SYT16: variants seen among roughly 807,000 people sequenced by gnomAD.
SYT16 encodes synaptotagmin 16, also known as synaptotagmin-16.
Under a neutral mutation model 61.4 loss-of-function variants are expected in SYT16, and 42 were observed. The observed-to-expected ratio is 0.68, with a 90% CI of 0.53 to 0.89. The LOEUF is 0.89. Ranked by LOEUF, SYT16 falls within the 40% of genes least tolerant of loss-of-function variation. The pLI is 0.00. For synonymous variants in SYT16, 314 were observed against 302.3 expected (o/e 1.04, Z -0.40); for missense variants, 804 against 807.3 (o/e 1.00, Z 0.05).
intron 1 of SYT16, among the ~76,000 whole-genome samples, chr14:61,950,092 T>C (rs963156219): frequency 6.6e-6 from 1 of 152,214 alleles, no homozygotes; most frequent in Admixed American, 6.5e-5. Flanking sequence ...GTTTGCCCCT[T>C]TCTGAAGTTA....
At chr14:62,023,389 C>G (rs1297619031) in intron 3 of SYT16, among the ~76,000 whole-genome samples, 1 of 152,160 alleles carries the variant, frequency 6.6e-6, no homozygotes, top group African/African-American at 2.4e-5. Context: ...CCCAAACATA[C>G]AGGTGATAAA....
intron 3 of SYT16, among the ~76,000 whole-genome samples, chr14:62,067,416 C>T (rs1595334060): frequency 6.6e-6 from 1 of 151,994 alleles, no homozygotes; most frequent in African/African-American, 2.4e-5. Context: ...AGGAGCCAGA[C>T]ATATAAACAC....
intron 1 of SYT16, among the ~76,000 whole-genome samples, chr14:61,900,682 G>A (rs990749721): frequency 6.6e-6 from 1 of 152,164 alleles, no homozygotes; most frequent in Admixed American, 6.5e-5. Flanking sequence ...TCTTGAGGCA[G>A]GAATTGCTCA....
At chr14:62,023,511 C>A (rs1026770609) in intron 3 of SYT16, among the ~76,000 whole-genome samples, 1 of 152,256 alleles carries the variant, frequency 6.6e-6, no homozygotes, top group Middle Eastern at 3.4e-3. Context: ...TACCTACTCC[C>A]AGGAATTTTG....
chr14:61,910,648 C>T (rs2048899142), intron 1 of SYT16, among the ~76,000 whole-genome samples: 1 of 151,954 alleles, frequency 6.6e-6, no homozygotes, highest in Non-Finnish European at 1.5e-5. Context: ...TCTATCTCAG[C>T]CTCCCGAGTA....
chr14:61,930,482 TG>T (rs984882901), intron 1 of SYT16, among the ~76,000 whole-genome samples: 1 of 152,050 alleles, frequency 6.6e-6, no homozygotes, highest in African/African-American at 2.4e-5. Flanking sequence ...TAACATCTGT[TG>T]GAACTGCCTT....
chr14:62,031,863 T>C (rs1171629291), intron 3 of SYT16, among the ~76,000 whole-genome samples: 2 of 152,140 alleles, frequency 1.3e-5, no homozygotes, highest in Admixed American at 6.6e-5. Flanking sequence ...AGGCTTTAAG[T>C]GTTTCTGCTA....
In SYT16 at chr14:62,084,331, G is replaced by A. The variant is rs771843169; in HGVS notation, c.1570G>A (p.Val524Met). 6.2e-7 allele frequency: 1 copy of A among 1,613,474 alleles called. No individual in the cohort carries two copies. Among genetic ancestry groups the A allele is most frequent in the Non-Finnish European group, 8.5e-7 (1 of 1,179,820 alleles). Residue 524 changes from valine to methionine, a missense_variant, in exon 7 of 8, where the codon GTG becomes ATG. Val to Met is a conservative substitution (Grantham distance 21). Coordinates refer to ENST00000683842, the MANE Select transcript of SYT16 (RefSeq NM_001367656.1). Reference protein sequence around the residue: ...SYNATTGRLSVEMIKGSHFRN... With the variant: ...SYNATTGRLSMEMIKGSHFRN... ...CAATGCCACAACGGGGCGATTATCTGTGGAAATGATCAAAGGCAGCCATTT... is the reference window on the plus strand; with the variant it reads ...CAATGCCACAACGGGGCGATTATCTATGGAAATGATCAAAGGCAGCCATTT...
At chr14:61,890,384 A>G (rs914783337) in intron 1 of SYT16, among the ~76,000 whole-genome samples, 1 of 152,086 alleles carries the variant, frequency 6.6e-6, no homozygotes, top group African/African-American at 2.4e-5. Context: ...AGTGAGAGGG[A>G]CAAGGATTCA....
chr14:62,089,673 C>T (rs2057007272), intron 7 of SYT16, among the ~76,000 whole-genome samples: 1 of 152,132 alleles, frequency 6.6e-6, no homozygotes, highest in African/African-American at 2.4e-5. Context: ...GTCACACCAG[C>T]CATTTTCAAG....
intron 1 of SYT16, among the ~76,000 whole-genome samples, chr14:61,880,789 TAG>T (rs1383366211): frequency 5.9e-5 from 9 of 152,352 alleles, no homozygotes; most frequent in African/African-American, 1.9e-4. Context: ...ATTATTCTTA[TAG>T]GCAGCCAGTT....
At chr14:61,994,624 T>C (rs1299316932) in intron 2 of SYT16, among the ~76,000 whole-genome samples, 2 of 152,128 alleles carry the variant, frequency 1.3e-5, no homozygotes, top group Non-Finnish European at 2.9e-5. Flanking sequence ...TTTGGTTGTA[T>C]ACATGTAGGT....
At chr14:61,876,022 G>C (rs927508233) in intron 1 of SYT16, among the ~76,000 whole-genome samples, 1 of 152,178 alleles carries the variant, frequency 6.6e-6, no homozygotes, top group Non-Finnish European at 1.5e-5. Flanking sequence ...TGGATAAAAA[G>C]AATGATAGAT....
chr14:61,857,240 C>T (rs954148992), intron 1 of SYT16, among the ~76,000 whole-genome samples: 2 of 152,134 alleles, frequency 1.3e-5, no homozygotes, highest in African/African-American at 4.8e-5. Context: ...TGTGTCTGGT[C>T]CCCCTTGGTT....
At chr14:61,872,204 C>A (rs980730788) in intron 1 of SYT16, among the ~76,000 whole-genome samples, 1 of 151,906 alleles carries the variant, frequency 6.6e-6, no homozygotes, top group Non-Finnish European at 1.5e-5. Context: ...ATAAACTCTT[C>A]CCTTATTTTT....
chr14:61,890,975 T>A (rs2048102024), intron 1 of SYT16, among the ~76,000 whole-genome samples: 1 of 152,206 alleles, frequency 6.6e-6, no homozygotes, highest in African/African-American at 2.4e-5. Flanking sequence ...GTGCAGAGAC[T>A]CTCTGTTGCT....
chr14:61,969,149 T>C (rs892474875), intron 1 of SYT16, among the ~76,000 whole-genome samples: 2 of 152,230 alleles, frequency 1.3e-5, no homozygotes, highest in Non-Finnish European at 2.9e-5. Flanking sequence ...TTAAATCATA[T>C]ATTAAACCTG....
At chr14:62,083,111 C>T (rs2056764575) in intron 6 of SYT16, among the ~76,000 whole-genome samples, 2 of 151,306 alleles carry the variant, frequency 1.3e-5, no homozygotes. Flanking sequence ...GACCACCTAG[C>T]CCTGCCGTTT....
intron 1 of SYT16, among the ~76,000 whole-genome samples, chr14:61,957,129 A>G (rs534266341): frequency 6.6e-6 from 1 of 151,928 alleles, no homozygotes. Context: ...TAGAAGCACA[A>G]CTGATTTTTA....
Sources: allele counts gnomAD v4.1 joint callset (sites outside exome capture counted in the v4.1 genomes callset), GRCh38; gene constraint gnomAD v4.1.1; transcripts MANE v1.5; gene names NCBI Gene and HGNC (gene_info 2026-07-23, HGNC 2026-07-21).